Variants in PRSS48 observed in about 807,000 individuals in gnomAD.
PRSS48 encodes the protein serine protease 48, also known as epidermis-specific serine protease-like protein.
In PRSS48, 21 loss-of-function variants were observed where a neutral mutation model predicts 25.6. The ratio of observed to expected loss-of-function variants is 0.82; its 90% CI spans 0.58 to 1.18. PRSS48 has a LOEUF of 1.18. PRSS48 is among the 50% of genes most tolerant of loss of function. The probability of loss-of-function intolerance (pLI) is 0.00; values close to 1 mark genes in which losing one functional copy is unlikely to be tolerated. For synonymous variants in PRSS48, 150 were observed against 149.3 expected (o/e 1.00, Z -0.04); for missense variants, 373 against 399.3 (o/e 0.93, Z 0.56).
intron 4 of PRSS48, among the ~76,000 whole-genome samples, chr4:151,286,922 G>C (rs1774846069): frequency 6.6e-6 from 1 of 151,564 alleles, no homozygotes; most frequent in African/African-American, 2.4e-5. Context: ...AGAGGTTACA[G>C]TGAGCCGAGA....
At chr4:151,281,489 GA>G (rs1168368126) in intron 2 of PRSS48, among the ~76,000 whole-genome samples, 7 of 152,128 alleles carry the variant, frequency 4.6e-5, no homozygotes, top group Non-Finnish European at 8.8e-5. Context: ...CGATGTGTAA[GA>G]AAGCTCAATC....
At chr4:151,279,143 A>G in intron 1 of PRSS48, 1 of 433,660 alleles carries the variant, frequency 2.3e-6, no homozygotes, top group Non-Finnish European at 4.5e-6. Context: ...ACCCTGCAGC[A>G]GCATCTTGGC....
intron 2 of PRSS48, 89 bp from the exon 3 acceptor site, chr4:151,282,059 T>C: frequency 7.2e-7 from 1 of 1,393,690 alleles, no homozygotes; most frequent in Non-Finnish European, 9.9e-7. Flanking sequence ...CTACCCTCCT[T>C]TCTTGAGTAG....
chr4:151,277,717 T>TTGGAAAATA (rs1406534242), intron 1 of PRSS48, among the ~76,000 whole-genome samples: 8 of 152,144 alleles, frequency 5.3e-5, no homozygotes, highest in Non-Finnish European at 1.0e-4. Context: ...TGCTTGTTCA[T>TTGGAAAATA]TTATTTTTCT....
At chr4:151,282,562 A>G (rs1580399050) in intron 3 of PRSS48, 149 bp downstream of exon 3, 2 of 831,806 alleles carry the variant, frequency 2.4e-6, no homozygotes, top group East Asian at 2.7e-5. Flanking sequence ...TTTAAATAAA[A>G]TATCTTTTTT....
At chr4:151,287,458 A>G (rs1055681691) in intron 4 of PRSS48, among the ~76,000 whole-genome samples, 2 of 152,190 alleles carry the variant, frequency 1.3e-5, no homozygotes, top group Non-Finnish European at 2.9e-5. Context: ...TCTTTTATGA[A>G]CAGAGGTGTA....
intron 4 of PRSS48, among the ~76,000 whole-genome samples, chr4:151,286,983 AATAAT>A (rs151172723): frequency 0.21 from 11,807 of 55,584 alleles, 528 homozygotes; most frequent in African/African-American, 0.28. Flanking sequence ...CTGTCTCAAA[AATAAT>A]AATAATAATA....
chr4:151,284,641 G>A (rs1283476618), intron 4 of PRSS48, among the ~76,000 whole-genome samples: 1 of 152,138 alleles, frequency 6.6e-6, no homozygotes, highest in Non-Finnish European at 1.5e-5. Context: ...ACGTTTTCCT[G>A]TTGTTTTGTT....
chr4:151,285,294 C>T (rs969784482), intron 4 of PRSS48, among the ~76,000 whole-genome samples: 12 of 152,064 alleles, frequency 7.9e-5, no homozygotes, highest in African/African-American at 2.9e-4. Context: ...CTAAGAAGAG[C>T]GGAATATACT....
intron 4 of PRSS48, among the ~76,000 whole-genome samples, chr4:151,283,712 T>C (rs1410786737): frequency 6.6e-6 from 1 of 151,930 alleles, no homozygotes; most frequent in Non-Finnish European, 1.5e-5. Context: ...TTTGTAGAGA[T>C]GAGGTCTCAC....
chr4:151,280,356 A>G (rs1304145299), intron 2 of PRSS48, among the ~76,000 whole-genome samples: 1 of 152,124 alleles, frequency 6.6e-6, no homozygotes, highest in Non-Finnish European at 1.5e-5. Flanking sequence ...GAAGACCCAA[A>G]GCCTACCAAC....
intron 1 of PRSS48, among the ~76,000 whole-genome samples, chr4:151,278,114 C>T (rs539780973): frequency 6.6e-6 from 1 of 152,288 alleles, no homozygotes; most frequent in African/African-American, 2.4e-5. Context: ...TACACAAATA[C>T]TGCAAAATGC....
At position 151,291,116 on chromosome 4, in the gene PRSS48, A is replaced by T. The variant is rs1775293451; in HGVS notation, c.652-2A>T. The stretch of plus-strand genomic sequence containing the variant: ...GCTCATTACCTTTCATTTCTTCCTT[A>T]GGGTGATTCTGGAGGGCCTCTGTCG... On this transcript the variant is annotated splice_acceptor_variant, in intron 4 of 4. Transcript: ENST00000455694. LOFTEE classifies it high-confidence loss of function. The T allele has an allele frequency of 6.2e-7, 1 of 1,604,662 alleles. No homozygotes were observed. Among genetic ancestry groups the T allele is most frequent in the Non-Finnish European group, 8.5e-7 (1 of 1,174,664 alleles).
At chr4:151,282,540 T>A (rs990844974) in intron 3 of PRSS48, 127 bp downstream of exon 3, 1 of 888,450 alleles carries the variant, frequency 1.1e-6, no homozygotes, top group Non-Finnish European at 1.7e-6. Context: ...CTAATGATAT[T>A]ATCTATAAGT....
intron 1 of PRSS48, among the ~76,000 whole-genome samples, chr4:151,279,437 G>A (rs1315443719): frequency 1.3e-5 from 2 of 152,154 alleles, no homozygotes; most frequent in African/African-American, 2.4e-5. Flanking sequence ...CCACTAATAG[G>A]TAGAAGGCAT....
chr4:151,285,792 A>C (rs1774693488), intron 4 of PRSS48, among the ~76,000 whole-genome samples: 1 of 152,060 alleles, frequency 6.6e-6, no homozygotes, highest in South Asian at 2.1e-4. Flanking sequence ...CCTTGAGCCC[A>C]GAAGTTCACA....
At chr4:151,277,170 G>A (rs765784310), upstream of PRSS48, 1 of 1,479,292 alleles carries the variant, frequency 6.8e-7, no homozygotes, top group South Asian at 1.4e-5. Flanking sequence ...TGAGGACAGA[G>A]ACATGGGCCC....
chr4:151,279,145 C>A, intron 1 of PRSS48: 2 of 426,162 alleles, frequency 4.7e-6, no homozygotes, highest in Non-Finnish European at 9.2e-6. Flanking sequence ...CCTGCAGCAG[C>A]ATCTTGGCCA....
chr4:151,283,626 T>A (rs892687323), intron 4 of PRSS48, among the ~76,000 whole-genome samples: 2 of 150,052 alleles, frequency 1.3e-5, no homozygotes, highest in African/African-American at 4.9e-5. Context: ...CAATCAGTCA[T>A]CCTCCCACTT....
Sources: allele counts gnomAD v4.1 joint callset (sites outside exome capture counted in the v4.1 genomes callset), GRCh38; gene constraint gnomAD v4.1.1; transcripts MANE v1.5; gene names NCBI Gene and HGNC (gene_info 2026-07-23, HGNC 2026-07-21).